SYTL5: variants seen among roughly 807,000 people sequenced by gnomAD.
SYTL5 encodes the protein synaptotagmin like 5, also known as synaptotagmin-like protein 5.
A neutral mutation model predicts 55.9 loss-of-function variants in SYTL5; 34 were observed. That is an observed-to-expected ratio of 0.61 (90% confidence interval 0.46 to 0.81). The LOEUF (loss-of-function observed/expected upper bound fraction) is 0.81, where lower values mean the gene tolerates loss of function less well. Among genes scored for constraint, SYTL5 ranks in the 30% least tolerant of loss-of-function variants. The pLI, the probability that SYTL5 is intolerant of heterozygous loss-of-function variation, is 0.00. For missense variants in SYTL5, 637 were observed against 546.7 expected (o/e 1.17, Z -1.65); for synonymous variants, 221 against 188.7 (o/e 1.17, Z -1.40).
the SYTL5 span, among the ~76,000 whole-genome samples, chrX:37,931,165 A>T: frequency 8.9e-6 from 1 of 111,913 alleles, no homozygotes; most frequent in African/African-American, 3.2e-5. Context: ...TTTCATAATA[A>T]TTGTAATACT....
chrX:37,908,896 G>GA, the SYTL5 span, among the ~76,000 whole-genome samples: 8 of 110,982 alleles, frequency 7.2e-5, no homozygotes, highest in Admixed American at 1.9e-4. Context: ...ATTTAGTGAG[G>GA]AAAAAAAACT....
chrX:38,060,156 C>T (rs1405721107), intron 3 of SYTL5, among the ~76,000 whole-genome samples: 1 of 111,635 alleles, frequency 9.0e-6, no homozygotes, highest in East Asian at 2.8e-4. Flanking sequence ...ATACAAGATC[C>T]AAGGAGATTG....
chrX:38,011,857 GTTCTCTCA>G (rs1336286754), intron 1 of SYTL5, among the ~76,000 whole-genome samples: 1 of 108,071 alleles, frequency 9.3e-6, no homozygotes, highest in Non-Finnish European at 1.9e-5. Flanking sequence ...TCATTTAAAT[GTTCTCTCA>G]CCGTAGTTTA....
intron 2 of SYTL5, among the ~76,000 whole-genome samples, chrX:38,041,276 G>C (rs1935278617): frequency 8.9e-6 from 1 of 112,380 alleles, no homozygotes. Flanking sequence ...AAGTCAGGGA[G>C]TCTAAGCGCC....
chrX:37,938,216 T>A, the SYTL5 span, among the ~76,000 whole-genome samples: 1 of 112,047 alleles, frequency 8.9e-6, no homozygotes, highest in Non-Finnish European at 1.9e-5. Flanking sequence ...TATCTATGGA[T>A]GTCCTTTATT....
chrX:37,952,462 G>A, the SYTL5 span, among the ~76,000 whole-genome samples: 1 of 111,565 alleles, frequency 9.0e-6, no homozygotes, highest in African/African-American at 3.3e-5. Context: ...TTACACCTGT[G>A]GTTATACTGA....
chrX:37,926,556 A>C, the SYTL5 span, among the ~76,000 whole-genome samples: 10,357 of 110,937 alleles, frequency 0.093, 531 homozygotes, highest in Admixed American at 0.27. Context: ...TAATCAAATA[A>C]AATTTAGGAT....
intron 1 of SYTL5, among the ~76,000 whole-genome samples, chrX:38,018,342 C>T (rs1406899323): frequency 1.8e-5 from 2 of 111,569 alleles, no homozygotes; most frequent in Non-Finnish European, 1.9e-5. Flanking sequence ...GGTAATCTCA[C>T]TTGCTTGCAC....
chrX:37,953,749 C>T, the SYTL5 span, among the ~76,000 whole-genome samples: 1 of 111,542 alleles, frequency 9.0e-6, no homozygotes, highest in Non-Finnish European at 1.9e-5. Flanking sequence ...GAGTTGGGGA[C>T]CCCCACATTA....
At chrX:38,063,924 A>G (rs1282940551) in intron 3 of SYTL5, among the ~76,000 whole-genome samples, 1 of 111,571 alleles carries the variant, frequency 9.0e-6, no homozygotes, top group Admixed American at 9.6e-5. Flanking sequence ...AAATCTGTGG[A>G]TCATGACCTA....
At chrX:38,114,222 C>T (rs758144566) in intron 13 of SYTL5, among the ~76,000 whole-genome samples, 2 of 111,741 alleles carry the variant, frequency 1.8e-5, no homozygotes, top group South Asian at 7.6e-4. Flanking sequence ...TTCTACACAA[C>T]CCCCATCATA....
At chrX:38,002,885 G>A (rs1473880886), upstream of SYTL5, among the ~76,000 whole-genome samples, 8 of 111,736 alleles carry the variant, frequency 7.2e-5, no homozygotes, top group Non-Finnish European at 1.3e-4. Context: ...GATCCCATTT[G>A]TCAATTTTGT....
chrX:38,119,255 C>T (rs1284699200), intron 13 of SYTL5, among the ~76,000 whole-genome samples: 1 of 110,851 alleles, frequency 9.0e-6, no homozygotes, highest in East Asian at 2.8e-4. Context: ...GTTTGTGTAT[C>T]TACTACCACA....
the SYTL5 span, among the ~76,000 whole-genome samples, chrX:37,997,179 G>A: frequency 1.8e-4 from 20 of 112,584 alleles, no homozygotes; most frequent in Non-Finnish European, 3.2e-4. Context: ...TGGGGTGGCC[G>A]TTGCCATCAT....
chrX:38,106,473 C>A, intron 10 of SYTL5, 120 bp from the exon 11 acceptor site: 1 of 624,039 alleles, frequency 1.6e-6, no homozygotes, highest in Non-Finnish European at 2.3e-6. Flanking sequence ...TTTCTTTCCT[C>A]ACCCTAGACT....
intron 6 of SYTL5, among the ~76,000 whole-genome samples, chrX:38,089,193 C>A (rs1454789648): frequency 8.9e-6 from 1 of 111,953 alleles, no homozygotes; most frequent in East Asian, 2.8e-4. Flanking sequence ...TGCTGGTAAG[C>A]AGAAGGAAAC....
chrX:37,995,677 T>G, the SYTL5 span, among the ~76,000 whole-genome samples: 1 of 112,063 alleles, frequency 8.9e-6, no homozygotes, highest in Non-Finnish European at 1.9e-5. Context: ...AAGTGAAACA[T>G]CTTTGTTTTC....
At chrX:38,109,801 A>G (rs1487413933) in intron 12 of SYTL5, among the ~76,000 whole-genome samples, 1 of 110,708 alleles carries the variant, frequency 9.0e-6, no homozygotes, top group Non-Finnish European at 1.9e-5. Context: ...GCCCAGCAAT[A>G]TCTTCTTTCT....
chrX:37,953,674 G>A, the SYTL5 span, among the ~76,000 whole-genome samples: 1 of 111,026 alleles, frequency 9.0e-6, no homozygotes, highest in African/African-American at 3.3e-5. Flanking sequence ...ATAAACCTGA[G>A]GGAAGACTCT....
Sources: allele counts gnomAD v4.1 joint callset (sites outside exome capture counted in the v4.1 genomes callset), GRCh38; gene constraint gnomAD v4.1.1; transcripts MANE v1.5; gene names NCBI Gene and HGNC (gene_info 2026-07-23, HGNC 2026-07-21).